The following FABP7 variants were observed in gnomAD, a reference collection of about 807,000 sequenced individuals.
The protein encoded by FABP7 is fatty acid binding protein 7.
FABP7 carries 13 observed loss-of-function variants against 14.2 expected under a neutral mutation model. That is an observed-to-expected ratio of 0.91 (90% CI 0.59 to 1.45). The LOEUF (loss-of-function observed/expected upper bound fraction) is 1.45, where lower values mean the gene tolerates loss of function less well. Among genes scored for constraint, FABP7 ranks in the 40% most tolerant of loss-of-function variants. FABP7 has a pLI of 0.00. For synonymous variants in FABP7, 49 were observed against 51.4 expected (o/e 0.95, Z 0.20); for missense variants, 149 against 157.6 (o/e 0.95, Z 0.29).
At chr6:122,769,370 A>T in the FABP7 span, among the ~76,000 whole-genome samples, 1 of 152,304 alleles carries the variant, frequency 6.6e-6, no homozygotes, top group East Asian at 1.9e-4. Flanking sequence ...TTTATAAATG[A>T]TATATTTGTA....
rs1413304691 is a variant in FABP7 at position 122,779,870 on chromosome 6, A to G, written c.73+3A>G. The G allele has an allele frequency of 1.9e-6, 3 of 1,613,622 alleles. No individual in the cohort carries two copies. The highest frequency in any genetic ancestry group is 2.5e-6 in the Non-Finnish European group (3 of 1,179,604). ...TGATGAGTACATGAAGGCTCTAGGTAGGTAACAATAAGACCGGCTGTTCTC... is the reference window on the plus strand; with the variant it reads ...TGATGAGTACATGAAGGCTCTAGGTGGGTAACAATAAGACCGGCTGTTCTC... On this transcript the variant is annotated splice_donor_region_variant and intron_variant, in intron 1 of 3. Transcript: ENST00000368444.
At chr6:122,776,342 TA>T (rs1443152939), upstream of FABP7, among the ~76,000 whole-genome samples, 3 of 152,006 alleles carry the variant, frequency 2.0e-5, no homozygotes, top group Admixed American at 6.6e-5. Flanking sequence ...TATTCAGCCA[TA>T]AAAAAGGAAG....
At chr6:122,769,206 G>A in the FABP7 span, among the ~76,000 whole-genome samples, 8 of 152,094 alleles carry the variant, frequency 5.3e-5, no homozygotes, top group Admixed American at 2.0e-4. Context: ...AAGATATCAT[G>A]ATGATGACAT....
chr6:122,782,224 G>A lies in FABP7; in HGVS notation c.348+1030G>A, dbSNP rs1780807542. ...AAAAGAGGATTTATTAGTGTCCTAAGGCTGCCACAACAAAGTACCACAAAC... is the reference window on the plus strand; with the variant it reads ...AAAAGAGGATTTATTAGTGTCCTAAAGCTGCCACAACAAAGTACCACAAAC... On this transcript the variant is annotated intron_variant, in intron 3 of 3. Coordinates refer to ENST00000368444, the MANE Select transcript of FABP7 (RefSeq NM_001446.5). 3 of 973,874 alleles carry A rather than the reference G, an allele frequency of 3.1e-6. No individual in the cohort carries two copies. In the Admixed American group the frequency reaches 1.8e-4, roughly 60 times the overall value. The allele number at this position is 973,874 out of a possible 1,614,324, so 60.3% of individuals were successfully genotyped here. A position where few individuals can be genotyped will look rare whatever the true frequency, so the allele number is the denominator to read the frequency against.
chr6:122,763,071 A>G, the FABP7 span, among the ~76,000 whole-genome samples: 2 of 152,162 alleles, frequency 1.3e-5, no homozygotes, highest in African/African-American at 4.8e-5. Context: ...AAAAGAGACC[A>G]CATTGCCAAG....
chr6:122,772,354 A>C, the FABP7 span, among the ~76,000 whole-genome samples: 1 of 152,100 alleles, frequency 6.6e-6, no homozygotes, highest in Non-Finnish European at 1.5e-5. Context: ...AGGAGAAAAA[A>C]CTGCAGAAAA....
chr6:122,751,288 T>C, the FABP7 span, among the ~76,000 whole-genome samples: 1 of 152,234 alleles, frequency 6.6e-6, no homozygotes, highest in Admixed American at 6.5e-5. Context: ...ATACGTAAAC[T>C]ACACAGAATA....
chr6:122,783,558 A>G (rs9401596), intron 3 of FABP7, 159 bp from the exon 4 acceptor site: 815,628 of 984,994 alleles, frequency 0.83, 338,181 homozygotes, highest in Middle Eastern at 0.84. Context: ...GTATATCAAT[A>G]TAGGGTCTCT....
intron 2 of FABP7, 40 bp downstream of exon 2, chr6:122,780,503 G>A: frequency 1.3e-6 from 2 of 1,572,258 alleles, no homozygotes; most frequent in Non-Finnish European, 1.7e-6. Context: ...GATGGGGAGA[G>A]GGGAATAAAG....
At chr6:122,783,053 C>T (rs891152647) in intron 3 of FABP7, 23 of 985,216 alleles carry the variant, frequency 2.3e-5, no homozygotes, top group African/African-American at 8.7e-5. Flanking sequence ...ATACTATACT[C>T]CTGAACATCA....
the FABP7 span, among the ~76,000 whole-genome samples, chr6:122,773,881 C>CT: frequency 3.7e-4 from 55 of 150,492 alleles, no homozygotes; most frequent in South Asian, 1.7e-3. Flanking sequence ...TATTTCACTA[C>CT]TTTTTAAAAA....
the FABP7 span, among the ~76,000 whole-genome samples, chr6:122,767,231 T>C: frequency 6.6e-6 from 1 of 152,114 alleles, no homozygotes. Context: ...TAATTTTTTA[T>C]GGATGATAAT....
upstream of FABP7, chr6:122,779,325 A>G (rs374978407): frequency 6.1e-6 from 1 of 162,846 alleles, no homozygotes; most frequent in East Asian, 1.7e-4. Context: ...TTTGTCATTA[A>G]CGGAAATCAA....
At chr6:122,772,436 C>T in the FABP7 span, among the ~76,000 whole-genome samples, 3 of 152,078 alleles carry the variant, frequency 2.0e-5, no homozygotes, top group African/African-American at 4.8e-5. Context: ...GGAGATTTAT[C>T]TCCCTCTGAC....
At chr6:122,769,713 C>A in the FABP7 span, among the ~76,000 whole-genome samples, 2 of 152,006 alleles carry the variant, frequency 1.3e-5, no homozygotes, top group Non-Finnish European at 2.9e-5. Flanking sequence ...TCTTGAGTCT[C>A]GAATGGAGAC....
the FABP7 span, among the ~76,000 whole-genome samples, chr6:122,761,119 TC>T: frequency 2.0e-5 from 3 of 152,302 alleles, no homozygotes; most frequent in African/African-American, 7.2e-5. Flanking sequence ...TAGAATTGTT[TC>T]GTTTGCTTTG....
intron 1 of FABP7, 146 bp downstream of exon 1, chr6:122,780,013 A>G (rs1780743836): frequency 1.2e-6 from 1 of 846,648 alleles, no homozygotes; most frequent in Non-Finnish European, 1.9e-6. Flanking sequence ...TTTCCACTGA[A>G]TGGATTTTTA....
chr6:122,776,350 G>A (rs1780672788), upstream of FABP7, among the ~76,000 whole-genome samples: 1 of 152,108 alleles, frequency 6.6e-6, no homozygotes, highest in Non-Finnish European at 1.5e-5. Flanking sequence ...CATAAAAAAG[G>A]AAGGAAATCT....
chr6:122,771,212 T>C, the FABP7 span, among the ~76,000 whole-genome samples: 1 of 152,172 alleles, frequency 6.6e-6, no homozygotes, highest in Non-Finnish European at 1.5e-5. Context: ...GGTCAGTTTA[T>C]GCGGTGGTGT....
Sources: allele counts gnomAD v4.1 joint callset (sites outside exome capture counted in the v4.1 genomes callset), GRCh38; gene constraint gnomAD v4.1.1; transcripts MANE v1.5; gene names NCBI Gene and HGNC (gene_info 2026-07-23, HGNC 2026-07-21).